The following ROBO1 variants were observed in gnomAD, a reference collection of about 807,000 sequenced individuals.
The protein encoded by ROBO1 is roundabout homolog 1.
ROBO1 carries 149 observed loss-of-function variants against 195.9 expected under a neutral mutation model. The ratio of observed to expected loss-of-function variants is 0.76; its 90% CI spans 0.67 to 0.87. The LOEUF is 0.87. Among genes scored for constraint, ROBO1 ranks in the 40% least tolerant of loss-of-function variants. The pLI is 0.00. For synonymous variants in ROBO1, 816 were observed against 733.2 expected (o/e 1.11, Z -1.82); for missense variants, 1,933 against 2,068.3 (o/e 0.93, Z 1.27).
chr3:79,467,848 C>T (rs1938052184), intron 2 of ROBO1, among the ~76,000 whole-genome samples: 1 of 152,170 alleles, frequency 6.6e-6, no homozygotes, highest in Admixed American at 6.5e-5. Context: ...AAAGCACTCA[C>T]CCTGGCTCAC....
At chr3:78,776,254 ATTT>A (rs2083502687) in intron 4 of ROBO1, among the ~76,000 whole-genome samples, 1 of 151,886 alleles carries the variant, frequency 6.6e-6, no homozygotes, top group African/African-American at 2.4e-5. Flanking sequence ...TTATTTATTT[ATTT>A]ATTTATTTAT....
chr3:79,262,592 A>T (rs2082961156), intron 2 of ROBO1, among the ~76,000 whole-genome samples: 1 of 152,112 alleles, frequency 6.6e-6, no homozygotes, highest in Admixed American at 6.6e-5. Flanking sequence ...GCAATAGGAA[A>T]GGGAAAGATA....
At chr3:79,714,279 C>G (rs1326673349) in intron 1 of ROBO1, among the ~76,000 whole-genome samples, 1 of 152,094 alleles carries the variant, frequency 6.6e-6, no homozygotes, top group Admixed American at 6.6e-5. Context: ...CAGAGAAATG[C>G]AAATCAAAAC....
chr3:78,944,953 T>G (rs1325596823), intron 3 of ROBO1, among the ~76,000 whole-genome samples: 2 of 152,118 alleles, frequency 1.3e-5, no homozygotes, highest in East Asian at 3.9e-4. Context: ...AAGGCGGCAG[T>G]GAGGCTTGGG....
chr3:78,718,867 A>AGACGGAAAAAGGGAGGGAAGGAGG (rs2081973326), intron 5 of ROBO1, among the ~76,000 whole-genome samples: 1 of 72,834 alleles, frequency 1.4e-5, no homozygotes, highest in African/African-American at 6.3e-5. Context: ...AGGGAGGGAG[A>AGACGGAAAAAGGGAGGGAAGGAGG]GAGGGAAAAA....
intron 2 of ROBO1, among the ~76,000 whole-genome samples, chr3:79,484,658 C>T (rs947737088): frequency 6.6e-6 from 1 of 151,476 alleles, no homozygotes; most frequent in African/African-American, 2.4e-5. Context: ...TGATAGTTCT[C>T]TCCTGTGCTC....
chr3:78,882,904 C>G (rs1284257393), intron 4 of ROBO1, among the ~76,000 whole-genome samples: 1 of 151,472 alleles, frequency 6.6e-6, no homozygotes, highest in Non-Finnish European at 1.5e-5. Context: ...TCTCCGCCTC[C>G]CAGGTTCAAG....
At chr3:79,448,735 T>C (rs1320227305) in intron 2 of ROBO1, among the ~76,000 whole-genome samples, 1 of 152,168 alleles carries the variant, frequency 6.6e-6, no homozygotes, top group East Asian at 1.9e-4. Context: ...ATACCTGTCA[T>C]TGTTATCATA....
intron 1 of ROBO1, among the ~76,000 whole-genome samples, chr3:79,722,106 G>A (rs1034866944): frequency 6.6e-6 from 1 of 152,068 alleles, no homozygotes; most frequent in Non-Finnish European, 1.5e-5. Context: ...AGGTACTACA[G>A]GAAACAGACT....
At chr3:78,897,010 T>C (rs1173965053) in intron 4 of ROBO1, among the ~76,000 whole-genome samples, 1 of 152,200 alleles carries the variant, frequency 6.6e-6, no homozygotes, top group Non-Finnish European at 1.5e-5. Flanking sequence ...GATTTACTCA[T>C]ATCAGCTGTG....
At chr3:79,519,628 C>CAAAAAAAAAAAAAAAAAAAA (rs71631657) in intron 2 of ROBO1, among the ~76,000 whole-genome samples, 9 of 64,694 alleles carry the variant, frequency 1.4e-4, no homozygotes, top group African/African-American at 2.3e-4. Context: ...GACTCCTGCT[C>CAAAAAAAAAAAAAAAAAAAA]AAAAAAAAAA....
intron 4 of ROBO1, among the ~76,000 whole-genome samples, chr3:78,859,471 A>G (rs911329165): frequency 6.6e-6 from 1 of 152,128 alleles, no homozygotes; most frequent in African/African-American, 2.4e-5. Flanking sequence ...ATGAACTTTC[A>G]TATTGTGAAG....
chr3:78,829,631 A>G (rs2031963272), intron 4 of ROBO1, among the ~76,000 whole-genome samples: 1 of 152,180 alleles, frequency 6.6e-6, no homozygotes, highest in African/African-American at 2.4e-5. Flanking sequence ...ACAGGAACTA[A>G]TGATTTCCCC....
chr3:78,863,884 T>C (rs1393910341), intron 4 of ROBO1, among the ~76,000 whole-genome samples: 1 of 152,150 alleles, frequency 6.6e-6, no homozygotes, highest in African/African-American at 2.4e-5. Flanking sequence ...TCTGGGATAG[T>C]ATGGAAGAAT....
intron 2 of ROBO1, among the ~76,000 whole-genome samples, chr3:79,359,065 A>G (rs912176062): frequency 2.6e-5 from 4 of 152,032 alleles, no homozygotes; most frequent in Non-Finnish European, 1.5e-5. Flanking sequence ...CTGTGCTACT[A>G]TAAGATTACC....
chr3:79,419,466 G>A (rs1266184621), intron 2 of ROBO1, among the ~76,000 whole-genome samples: 2 of 152,124 alleles, frequency 1.3e-5, no homozygotes, highest in Admixed American at 6.6e-5. Flanking sequence ...TTGACATGTT[G>A]AGAAACTAAA....
chr3:78,753,081 T>C (rs2082837986), intron 4 of ROBO1, among the ~76,000 whole-genome samples: 1 of 152,086 alleles, frequency 6.6e-6, no homozygotes, highest in Admixed American at 6.6e-5. Context: ...GGATGGCAAA[T>C]ATCACTCAAC....
chr3:78,838,526 T>C (rs1041320413), intron 4 of ROBO1, among the ~76,000 whole-genome samples: 3 of 152,242 alleles, frequency 2.0e-5, no homozygotes, highest in Non-Finnish European at 4.4e-5. Flanking sequence ...CTCCCACTCA[T>C]GGTGAAAAGC....
rs140413285 is a variant in ROBO1, at chr3:79,694,521, A to G, written c.-51+73231T>C. Among the ~76,000 whole-genome samples the G allele has an allele frequency of 6.2e-3, 944 of 151,930 alleles. 10 individuals are homozygous for G. Among genetic ancestry groups the G allele is most frequent in the Middle Eastern group, 0.014 (4 of 294 alleles). On this transcript the variant is annotated intron_variant, in intron 1 of 30. Coordinates refer to ENST00000464233, the MANE Select transcript of ROBO1 (RefSeq NM_002941.4). The stretch of plus-strand genomic sequence containing the variant: ...TTTTTTCTGAAGCAAAATGATTTAT[A>G]CTAATGCAATAAATGGCTTGCATTT...
Sources: allele counts gnomAD v4.1 joint callset (sites outside exome capture counted in the v4.1 genomes callset), GRCh38; gene constraint gnomAD v4.1.1; transcripts MANE v1.5; gene names NCBI Gene and HGNC (gene_info 2026-07-23, HGNC 2026-07-21).